The following PLXNA4 variants were observed in gnomAD, a reference collection of about 807,000 sequenced individuals.
PLXNA4 encodes the protein plexin-A4.
A neutral mutation model predicts 191.8 loss-of-function variants in PLXNA4; 44 were observed. The ratio of observed to expected loss-of-function variants is 0.23; its 90% CI spans 0.18 to 0.29. The LOEUF is 0.29. Ranked by LOEUF, PLXNA4 falls within the 10% of genes least tolerant of loss-of-function variation. The probability of loss-of-function intolerance (pLI) is 1.00; values close to 1 mark genes in which losing one functional copy is unlikely to be tolerated. For synonymous variants in PLXNA4, 1,082 were observed against 1,009.5 expected, an observed-to-expected ratio of 1.07 and a Z score of -1.36; for missense variants, 1,800 against 2,488.8, an observed-to-expected ratio of 0.72 and a Z score of 5.89.
intron 29 of PLXNA4, among the ~76,000 whole-genome samples, chr7:132,141,821 C>A (rs980312953): frequency 1.3e-5 from 2 of 152,178 alleles, no homozygotes; most frequent in Non-Finnish European, 2.9e-5. Flanking sequence ...CCTCTGCCTC[C>A]TGGGTTCAAG....
At chr7:132,500,897 G>C (rs1798221673) in intron 2 of PLXNA4, among the ~76,000 whole-genome samples, 1 of 152,204 alleles carries the variant, frequency 6.6e-6, no homozygotes, top group Non-Finnish European at 1.5e-5. Context: ...TATCTCACAA[G>C]CTGGGACTGG....
rs570170747 is a variant in PLXNA4, at chr7:132,528,383, C to T, written c.-86-19604G>A. Among the ~76,000 whole-genome samples the T allele has an allele frequency of 1.8e-4, 27 of 152,298 alleles. 1 individual carries two copies. Among genetic ancestry groups the T allele is most frequent in the African/African-American group, 5.1e-4 (21 of 41,574 alleles). ...ATGTGTCTTTCTTACTGGAATATTCCCAACTGTATTCAGGAGTTCACCCTC... is the reference window on the plus strand; with the variant it reads ...ATGTGTCTTTCTTACTGGAATATTCTCAACTGTATTCAGGAGTTCACCCTC... On this transcript the variant is annotated intron_variant, in intron 1 of 31. Transcript: ENST00000321063.
At chr7:132,267,872 C>T (rs1033946240) in intron 4 of PLXNA4, among the ~76,000 whole-genome samples, 1 of 152,160 alleles carries the variant, frequency 6.6e-6, no homozygotes, top group Non-Finnish European at 1.5e-5. Context: ...CTGCTTACTT[C>T]TTAGCAGCAG....
At chr7:132,205,904 T>C (rs1382604909) in intron 10 of PLXNA4, among the ~76,000 whole-genome samples, 2 of 152,228 alleles carry the variant, frequency 1.3e-5, no homozygotes, top group South Asian at 2.1e-4. Context: ...AGGAAGGACC[T>C]GACATCCCAC....
At chr7:132,201,866 A>G (rs1029117167) in intron 12 of PLXNA4, among the ~76,000 whole-genome samples, 3 of 152,152 alleles carry the variant, frequency 2.0e-5, no homozygotes, top group African/African-American at 7.2e-5. Context: ...AATGATGATG[A>G]GTGAGGAGGC....
intron 4 of PLXNA4, among the ~76,000 whole-genome samples, chr7:132,276,688 G>A (rs533860797): frequency 2.0e-5 from 3 of 152,302 alleles, no homozygotes; most frequent in South Asian, 2.1e-4. Context: ...GCATATATCC[G>A]TGCCATTAAC....
At chr7:132,242,065 A>T (rs1450818778) in intron 4 of PLXNA4, among the ~76,000 whole-genome samples, 1 of 152,218 alleles carries the variant, frequency 6.6e-6, no homozygotes, top group Non-Finnish European at 1.5e-5. Flanking sequence ...TAATAATGAT[A>T]CACTGGATCA....
chr7:132,566,687 A>C (rs939430930), intron 1 of PLXNA4, among the ~76,000 whole-genome samples: 1 of 152,236 alleles, frequency 6.6e-6, no homozygotes, highest in African/African-American at 2.4e-5. Flanking sequence ...GTTATGTGCA[A>C]CCAAAAAGTG....
chr7:132,619,810 T>A (rs186490078), intron 2 of PLXNA4, among the ~76,000 whole-genome samples: 1 of 152,168 alleles, frequency 6.6e-6, no homozygotes, highest in Non-Finnish European at 1.5e-5. Flanking sequence ...TTTTTCTTTT[T>A]TGGTTTTTGA....
intron 1 of PLXNA4, among the ~76,000 whole-genome samples, chr7:132,549,900 A>G (rs1342235714): frequency 6.6e-6 from 1 of 152,138 alleles, no homozygotes; most frequent in Non-Finnish European, 1.5e-5. Flanking sequence ...CAGTTTGAAC[A>G]TTAGGTAGAG....
chr7:132,181,682 C>T (rs2116743466), intron 17 of PLXNA4, 62 bp from the exon 18 acceptor site: 4 of 1,587,716 alleles, frequency 2.5e-6, no homozygotes, highest in Non-Finnish European at 3.4e-6. Context: ...AGCCCCAGTG[C>T]ACATAGTGGG....
At chr7:132,606,167 TAAAAG>T (rs2116846766) in intron 2 of PLXNA4, among the ~76,000 whole-genome samples, 1 of 151,994 alleles carries the variant, frequency 6.6e-6, no homozygotes, top group Non-Finnish European at 1.5e-5. Context: ...CTGTCTCAAA[TAAAAG>T]AAAAGAAGCA....
At chr7:132,257,194 G>A (rs992762754) in intron 4 of PLXNA4, among the ~76,000 whole-genome samples, 6 of 152,238 alleles carry the variant, frequency 3.9e-5, no homozygotes, top group African/African-American at 1.4e-4. Flanking sequence ...CCAGGTGGCT[G>A]TAACTCTCTC....
At chr7:132,132,313 G>C (rs561071900) in intron 31 of PLXNA4, among the ~76,000 whole-genome samples, 1 of 152,330 alleles carries the variant, frequency 6.6e-6, no homozygotes, top group Admixed American at 6.5e-5. Context: ...AGAAGGCCTT[G>C]TATATAGTGG....
chr7:132,314,122 C>T (rs1801853672), intron 3 of PLXNA4, among the ~76,000 whole-genome samples: 1 of 152,166 alleles, frequency 6.6e-6, no homozygotes, highest in African/African-American at 2.4e-5. Flanking sequence ...ATTTAATTAC[C>T]TTCTCTGCAC....
intron 2 of PLXNA4, among the ~76,000 whole-genome samples, chr7:132,588,736 AAAAG>A (rs1427166696): frequency 5.4e-5 from 8 of 149,232 alleles, no homozygotes; most frequent in South Asian, 2.1e-4. Flanking sequence ...GAAAAAAAGA[AAAAG>A]AAAGAAAGAG....
chr7:132,547,641 AC>A (rs1367331418), intron 1 of PLXNA4, among the ~76,000 whole-genome samples: 1 of 152,034 alleles, frequency 6.6e-6, no homozygotes, highest in African/African-American at 2.4e-5. Flanking sequence ...GGCCTACTGT[AC>A]AGAAGAATCA....
chr7:132,272,343 T>C (rs1800108736), intron 4 of PLXNA4, among the ~76,000 whole-genome samples: 1 of 152,236 alleles, frequency 6.6e-6, no homozygotes, highest in African/African-American at 2.4e-5. Flanking sequence ...ACTTCTCAGT[T>C]TCTCATCTGT....
chr7:132,311,806 T>C (rs1801753910), intron 3 of PLXNA4, among the ~76,000 whole-genome samples: 2 of 152,082 alleles, frequency 1.3e-5, no homozygotes, highest in African/African-American at 4.8e-5. Flanking sequence ...GGCATGTGAA[T>C]AGTTTACAGT....
Sources: gnomAD v4.1 joint callset for allele counts (sites outside exome capture counted in the v4.1 genomes callset) on GRCh38, gnomAD v4.1.1 for gene constraint, MANE v1.5 for transcripts, NCBI Gene and HGNC (gene_info 2026-07-23, HGNC 2026-07-21) for gene names.